Variants in CCSER1 observed in about 807,000 individuals in gnomAD.
CCSER1 encodes the protein coiled-coil serine rich protein 1, also known as serine-rich coiled-coil domain-containing protein 1.
CCSER1 carries 41 observed loss-of-function variants against 82.0 expected under a neutral mutation model. The observed-to-expected ratio is 0.50, with a 90% CI of 0.39 to 0.65. The LOEUF (loss-of-function observed/expected upper bound fraction) is 0.65. Among genes scored for constraint, CCSER1 ranks in the 30% least tolerant of loss-of-function variants. CCSER1 has a pLI of 0.00. For synonymous variants in CCSER1, 414 were observed against 383.9 expected, an observed-to-expected ratio of 1.08 and a Z score of -0.92; for missense variants, 1,119 against 1,064.2, an observed-to-expected ratio of 1.05 and a Z score of -0.72.
At chr4:91,148,136 G>A (rs891014649) in intron 10 of CCSER1, among the ~76,000 whole-genome samples, 1 of 152,156 alleles carries the variant, frequency 6.6e-6, no homozygotes, top group Non-Finnish European at 1.5e-5. Context: ...GAAAATTTAT[G>A]ATAATGCAAT....
chr4:90,914,830 G>T (rs1353497932), intron 8 of CCSER1, among the ~76,000 whole-genome samples: 1 of 151,886 alleles, frequency 6.6e-6, no homozygotes, highest in East Asian at 1.9e-4. Context: ...TGACAAAGGG[G>T]ATATCACCCC....
intron 10 of CCSER1, among the ~76,000 whole-genome samples, chr4:91,394,719 A>T (rs180811882): frequency 1.3e-5 from 2 of 152,232 alleles, no homozygotes; most frequent in Admixed American, 6.6e-5. Context: ...ACCAGCAAAA[A>T]CTAACGAAGT....
intron 10 of CCSER1, among the ~76,000 whole-genome samples, chr4:91,557,679 A>G (rs1000889459): frequency 6.6e-6 from 1 of 151,452 alleles, no homozygotes; most frequent in Non-Finnish European, 1.5e-5. Context: ...ATGGAGTACA[A>G]GAAGATAAGG....
At chr4:90,306,919 G>A (rs1159734256) in intron 1 of CCSER1, among the ~76,000 whole-genome samples, 2 of 152,184 alleles carry the variant, frequency 1.3e-5, no homozygotes, top group Admixed American at 6.5e-5. Context: ...AATATTTGCT[G>A]TACAAGTTTG....
intron 10 of CCSER1, among the ~76,000 whole-genome samples, chr4:91,228,849 G>A (rs1382768207): frequency 6.6e-6 from 1 of 152,128 alleles, no homozygotes; most frequent in Non-Finnish European, 1.5e-5. Context: ...TAGTTACACA[G>A]GGTTCTGGGG....
intron 8 of CCSER1, among the ~76,000 whole-genome samples, chr4:90,840,362 G>A (rs1762431911): frequency 6.6e-6 from 1 of 152,186 alleles, no homozygotes; most frequent in South Asian, 2.1e-4. Context: ...TGGGAAATCT[G>A]TAATCTTCAT....
chr4:90,648,305 G>GAAAGAAAGAAAGAAAGAAAGAAAT (rs1728055848), intron 6 of CCSER1, among the ~76,000 whole-genome samples: 1 of 139,504 alleles, frequency 7.2e-6, no homozygotes, highest in African/African-American at 3.2e-5. Flanking sequence ...AAGAAAGAAA[G>GAAAGAAAGAAAGAAAGAAAGAAAT]AAAGAAAGAA....
chr4:91,335,982 T>C (rs868245144), intron 10 of CCSER1, among the ~76,000 whole-genome samples: 1 of 152,146 alleles, frequency 6.6e-6, no homozygotes, highest in Non-Finnish European at 1.5e-5. Flanking sequence ...TTTATTTTTC[T>C]GCTTCTCTTA....
chr4:90,296,669 A>T (rs1384661201), intron 1 of CCSER1, among the ~76,000 whole-genome samples: 1 of 152,146 alleles, frequency 6.6e-6, no homozygotes, highest in East Asian at 1.9e-4. Context: ...TAATTTTTGT[A>T]TAAGGTGTAA....
intron 8 of CCSER1, among the ~76,000 whole-genome samples, chr4:90,855,992 G>A (rs907535129): frequency 6.6e-6 from 1 of 152,016 alleles, no homozygotes; most frequent in African/African-American, 2.4e-5. Flanking sequence ...GTTAGCAACA[G>A]CCAATGCAGA....
At chr4:91,333,498 A>G (rs929858121) in intron 10 of CCSER1, among the ~76,000 whole-genome samples, 1 of 152,008 alleles carries the variant, frequency 6.6e-6, no homozygotes, top group African/African-American at 2.4e-5. Context: ...TCTCTCCATT[A>G]TATAGGGCTA....
At chr4:91,093,141 G>A (rs1724143273) in intron 10 of CCSER1, among the ~76,000 whole-genome samples, 2 of 152,160 alleles carry the variant, frequency 1.3e-5, no homozygotes, top group African/African-American at 4.8e-5. Flanking sequence ...TCTTCCTTCT[G>A]GGCTGAAGTG....
chr4:91,099,146 A>C (rs1009137635), intron 10 of CCSER1, among the ~76,000 whole-genome samples: 14 of 152,300 alleles, frequency 9.2e-5, no homozygotes, highest in Admixed American at 2.6e-4. Flanking sequence ...ATGGTCTAAT[A>C]TGCAGAATAC....
At chr4:91,045,240 C>A (rs1425927198) in intron 9 of CCSER1, among the ~76,000 whole-genome samples, 1 of 152,066 alleles carries the variant, frequency 6.6e-6, no homozygotes, top group African/African-American at 2.4e-5. Context: ...AAGTAAAATT[C>A]TTGAATAAAT....
intron 10 of CCSER1, among the ~76,000 whole-genome samples, chr4:91,582,485 A>G (rs771957024): frequency 1.3e-4 from 20 of 151,648 alleles, no homozygotes; most frequent in Admixed American, 3.3e-4. Context: ...GGGATTTACT[A>G]TTGCTCAAAT....
chr4:91,023,717 C>G (rs1740227653), intron 9 of CCSER1, among the ~76,000 whole-genome samples: 1 of 152,052 alleles, frequency 6.6e-6, no homozygotes. Flanking sequence ...AGAAGAAAAC[C>G]TAGGCAATAC....
chr4:90,969,989 CA>C (rs34201664), intron 9 of CCSER1, among the ~76,000 whole-genome samples: 279 of 145,218 alleles, frequency 1.9e-3, no homozygotes, highest in African/African-American at 5.2e-3. Flanking sequence ...TATACCACCG[CA>C]AAAAAAAAAT....
chr4:90,718,411 A>AT (rs1388870372), intron 6 of CCSER1, among the ~76,000 whole-genome samples: 1 of 152,136 alleles, frequency 6.6e-6, no homozygotes, highest in African/African-American at 2.4e-5. Context: ...CAGGGGAGGC[A>AT]TAATTAATGG....
intron 1 of CCSER1, among the ~76,000 whole-genome samples, chr4:90,233,115 C>A (rs939509123): frequency 6.6e-6 from 1 of 152,116 alleles, no homozygotes; most frequent in East Asian, 1.9e-4. Flanking sequence ...CCAGCCATCC[C>A]ATTACTGGGT....
Sources: gnomAD v4.1 joint callset for allele counts (sites outside exome capture counted in the v4.1 genomes callset) on GRCh38, gnomAD v4.1.1 for gene constraint, MANE v1.5 for transcripts, NCBI Gene and HGNC (gene_info 2026-07-23, HGNC 2026-07-21) for gene names.